CACNB4: variants seen among roughly 807,000 people sequenced by gnomAD.
CACNB4 encodes calcium voltage-gated channel auxiliary subunit beta 4.
A neutral mutation model predicts 71.2 loss-of-function variants in CACNB4; 32 were observed. That is an observed-to-expected ratio of 0.45 (90% CI 0.34 to 0.60). The LOEUF (loss-of-function observed/expected upper bound fraction) is 0.60. Ranked by LOEUF, CACNB4 falls within the 20% of genes least tolerant of loss-of-function variation. The pLI, the probability that CACNB4 is intolerant of heterozygous loss-of-function variation, is 0.01. For synonymous variants in CACNB4, 231 were observed against 236.9 expected (o/e 0.97, Z 0.23); for missense variants, 464 against 647.9 (o/e 0.72, Z 3.08).
intron 2 of CACNB4, among the ~76,000 whole-genome samples, chr2:151,923,146 A>G (rs1007138638): frequency 2.6e-5 from 4 of 152,220 alleles, no homozygotes; most frequent in African/African-American, 9.6e-5. Context: ...ATTTTAAGAA[A>G]TAATAACAAC....
chr2:151,844,908 A>G (rs1007408320), intron 12 of CACNB4, among the ~76,000 whole-genome samples: 4 of 152,224 alleles, frequency 2.6e-5, no homozygotes, highest in Non-Finnish European at 4.4e-5. Context: ...CTCATTCTAT[A>G]ATATGGGTTT....
chr2:152,028,468 T>C (rs1684097156), intron 2 of CACNB4, among the ~76,000 whole-genome samples: 1 of 152,138 alleles, frequency 6.6e-6, no homozygotes, highest in South Asian at 2.1e-4. Context: ...TGTGGACAAA[T>C]CTCTCCATAA....
chr2:151,892,505 G>GA (rs1318024720), intron 2 of CACNB4, among the ~76,000 whole-genome samples: 3 of 152,116 alleles, frequency 2.0e-5, no homozygotes, highest in Non-Finnish European at 2.9e-5. Flanking sequence ...ACTGTGTGAT[G>GA]AAAAAATATC....
intron 2 of CACNB4, chr2:151,969,160 T>A (rs2099871893): frequency 6.6e-6 from 1 of 152,232 alleles, no homozygotes; most frequent in Non-Finnish European, 1.5e-5. Context: ...TTTGGTTTTC[T>A]TCTGTGGTCA....
intron 13 of CACNB4, 76 bp downstream of exon 13, chr2:151,841,827 G>T (rs2099836306): frequency 7.9e-7 from 1 of 1,258,148 alleles, no homozygotes; most frequent in Non-Finnish European, 1.2e-6. Context: ...GATGACTCCA[G>T]TCTCCATCCT....
chr2:152,011,464 C>T (rs889414115), intron 2 of CACNB4, among the ~76,000 whole-genome samples: 2 of 152,298 alleles, frequency 1.3e-5, no homozygotes, highest in Non-Finnish European at 2.9e-5. Context: ...AACTATGTTG[C>T]TAAACACAGA....
chr2:152,079,772 C>T (rs377040603), intron 2 of CACNB4, among the ~76,000 whole-genome samples: 3 of 152,006 alleles, frequency 2.0e-5, no homozygotes, highest in Non-Finnish European at 2.9e-5. Context: ...GGTAACAGAG[C>T]GATATCCTGT....
chr2:151,925,769 G>C (rs2099860085), intron 2 of CACNB4, among the ~76,000 whole-genome samples: 1 of 152,138 alleles, frequency 6.6e-6, no homozygotes, highest in South Asian at 2.1e-4. Context: ...GGGGGCAACA[G>C]CAAGGTGGTG....
chr2:151,846,259 T>C (rs2151329720), intron 12 of CACNB4, among the ~76,000 whole-genome samples: 1 of 152,262 alleles, frequency 6.6e-6, no homozygotes, highest in South Asian at 2.1e-4. Context: ...CCCTACTTTT[T>C]ACAGAAGATA....
At chr2:151,928,164 A>C (rs2099860717) in intron 2 of CACNB4, among the ~76,000 whole-genome samples, 1 of 152,216 alleles carries the variant, frequency 6.6e-6, no homozygotes, top group African/African-American at 2.4e-5. Context: ...ATGAACAGCT[A>C]TCTATTTCCA....
chr2:151,993,787 A>G (rs900938463), intron 2 of CACNB4, among the ~76,000 whole-genome samples: 1 of 150,670 alleles, frequency 6.6e-6, no homozygotes, highest in Non-Finnish European at 1.5e-5. Context: ...CTGGTCTCGA[A>G]CTCCTGACCT....
intron 2 of CACNB4, among the ~76,000 whole-genome samples, chr2:152,030,547 T>C (rs1684229527): frequency 6.6e-6 from 1 of 152,240 alleles, no homozygotes; most frequent in African/African-American, 2.4e-5. Flanking sequence ...GCCATGTTGG[T>C]GTGCTGCACC....
chr2:152,052,822 A>T (rs952603692), intron 2 of CACNB4, among the ~76,000 whole-genome samples: 4 of 151,912 alleles, frequency 2.6e-5, no homozygotes, highest in African/African-American at 9.7e-5. Context: ...TACTAAAAAT[A>T]CAAAAAAAAA....
chr2:152,086,222 G>T (rs954920870), intron 2 of CACNB4, among the ~76,000 whole-genome samples: 3 of 152,178 alleles, frequency 2.0e-5, no homozygotes, highest in African/African-American at 7.2e-5. Flanking sequence ...ATGAGCAAGA[G>T]AAATATGTAT....
chr2:152,087,248 A>C (rs1267177299), intron 2 of CACNB4, among the ~76,000 whole-genome samples: 1 of 151,856 alleles, frequency 6.6e-6, no homozygotes, highest in Admixed American at 6.6e-5. Context: ...TTTCATCAAC[A>C]TGGTGAAACC....
chr2:151,948,295 G>A (rs1458765833), intron 2 of CACNB4, among the ~76,000 whole-genome samples: 1 of 152,220 alleles, frequency 6.6e-6, no homozygotes, highest in African/African-American at 2.4e-5. Flanking sequence ...GAACAGGTAA[G>A]CAAAAGGCAG....
chr2:152,050,369 A>C (rs1261021964), intron 2 of CACNB4, among the ~76,000 whole-genome samples: 3 of 152,222 alleles, frequency 2.0e-5, no homozygotes, highest in Non-Finnish European at 2.9e-5. Flanking sequence ...ATCACCCACT[A>C]GATTTACTCT....
Position 151,882,180 on chromosome 2 carries a change from TC to T in CACNB4, c.267+1070del, listed in dbSNP as rs1477018623. Among the ~76,000 whole-genome samples the T allele has an allele frequency of 1.4e-3, 142 of 100,890 alleles. 5 individuals are homozygous for T. Among genetic ancestry groups the T allele is most frequent in the Admixed American group, 0.013 (126 of 9,480 alleles). 66.2% of individuals were successfully genotyped at this position (100,890 alleles called of 152,430 possible). A position where few individuals can be genotyped will look rare whatever the true frequency, so the allele number is the denominator to read the frequency against. On this transcript the variant is annotated intron_variant, in intron 3 of 13. Coordinates refer to ENST00000539935, the MANE Select transcript of CACNB4 (RefSeq NM_000726.5). ...AGGCGTAAGCCACTGCACCGGCCCC[TC>T]TTTTTTTTTTTTTTTTTTTTTTTTT...
At chr2:152,017,507 AC>A (rs5835401) in intron 2 of CACNB4, among the ~76,000 whole-genome samples, 149,447 of 151,426 alleles carry the variant, frequency 0.99, 73,793 homozygotes, top group Middle Eastern at 1. Flanking sequence ...GGAGATCGAG[AC>A]CCATCCTGGC....
Sources: allele counts gnomAD v4.1 joint callset (sites outside exome capture counted in the v4.1 genomes callset), GRCh38; gene constraint gnomAD v4.1.1; transcripts MANE v1.5; gene names NCBI Gene and HGNC (gene_info 2026-07-23, HGNC 2026-07-21).